The following NLGN1 variants were observed in gnomAD, a reference collection of about 807,000 sequenced individuals.
The protein encoded by NLGN1 is neuroligin-1.
NLGN1 carries 12 observed loss-of-function variants against 65.5 expected under a neutral mutation model. That is an observed-to-expected ratio of 0.18 (90% CI 0.12 to 0.30). The LOEUF is 0.30. Ranked by LOEUF, NLGN1 falls within the 10% of genes least tolerant of loss-of-function variation. The pLI is 1.00. For synonymous variants in NLGN1, 350 were observed against 359.5 expected (o/e 0.97, Z 0.30); for missense variants, 750 against 1,007.1 (o/e 0.74, Z 3.46).
intron 4 of NLGN1, among the ~76,000 whole-genome samples, chr3:173,845,823 A>G (rs908189795): frequency 6.6e-6 from 1 of 152,206 alleles, no homozygotes; most frequent in Non-Finnish European, 1.5e-5. Flanking sequence ...GATTTTTTTC[A>G]ATAATACTTA....
At chr3:174,211,018 G>A (rs1325950496) in intron 4 of NLGN1, among the ~76,000 whole-genome samples, 2 of 152,112 alleles carry the variant, frequency 1.3e-5, no homozygotes, top group Non-Finnish European at 2.9e-5. Context: ...GGCGCGTCTG[G>A]AGTCTGTCCC....
chr3:174,293,848 A>C, the NLGN1 span, among the ~76,000 whole-genome samples: 1 of 151,378 alleles, frequency 6.6e-6, no homozygotes, highest in Non-Finnish European at 1.5e-5. Flanking sequence ...AGATTTTACA[A>C]TTTTTTTTGC....
At chr3:173,526,336 T>TA (rs1156460792) in intron 2 of NLGN1, among the ~76,000 whole-genome samples, 1 of 152,164 alleles carries the variant, frequency 6.6e-6, no homozygotes, top group African/African-American at 2.4e-5. Context: ...TCTTTTTTTT[T>TA]AACTGTTGTT....
chr3:173,950,748 G>A (rs181973095), intron 4 of NLGN1, among the ~76,000 whole-genome samples: 249 of 151,390 alleles, frequency 1.6e-3, no homozygotes, highest in African/African-American at 4.4e-3. Flanking sequence ...AGCAGATGTC[G>A]CGGTGAGCCA....
intron 2 of NLGN1, among the ~76,000 whole-genome samples, chr3:173,464,024 A>C (rs1053322730): frequency 6.6e-6 from 1 of 152,076 alleles, no homozygotes; most frequent in African/African-American, 2.4e-5. Flanking sequence ...TAACATCCTC[A>C]ATCATTTCTA....
At chr3:174,010,862 A>G (rs1296094760) in intron 4 of NLGN1, among the ~76,000 whole-genome samples, 1 of 152,178 alleles carries the variant, frequency 6.6e-6, no homozygotes, top group Admixed American at 6.6e-5. Flanking sequence ...CTCAAATTTG[A>G]TGATGGGATG....
rs1045596887 is a variant in NLGN1 at position 173,441,254 on chromosome 3, C to T, written c.-321+6176C>T. 2.0e-5 allele frequency among the ~76,000 whole-genome samples: 3 copies of T among 152,122 alleles called. No individual in the cohort carries two copies. In the East Asian group the frequency reaches 5.8e-4, roughly 29 times the overall value. On this transcript the variant is annotated intron_variant, in intron 2 of 6. Transcript: ENST00000457714. ...AACTTTCTTCATATCAGCAATAACG[C>T]GTTGTTTTGCTTTCTTAACATTTTT... is the stretch of plus-strand genomic sequence containing the variant.
chr3:173,953,975 T>C (rs1321990728), intron 4 of NLGN1, among the ~76,000 whole-genome samples: 1 of 152,054 alleles, frequency 6.6e-6, no homozygotes, highest in African/African-American at 2.4e-5. Flanking sequence ...TAAAGTTAAA[T>C]GATAAAGGAA....
intron 3 of NLGN1, among the ~76,000 whole-genome samples, chr3:173,653,154 G>T (rs1759481934): frequency 2.0e-5 from 3 of 152,032 alleles, no homozygotes; most frequent in Non-Finnish European, 4.4e-5. Context: ...AGTCGTTAGG[G>T]TTTTATAGAT....
intron 4 of NLGN1, among the ~76,000 whole-genome samples, chr3:173,992,504 A>G (rs2152414272): frequency 6.6e-6 from 1 of 152,318 alleles, no homozygotes; most frequent in South Asian, 2.1e-4. Flanking sequence ...TAAATGATTC[A>G]AGAATAAACT....
At chr3:174,293,349 A>G in the NLGN1 span, among the ~76,000 whole-genome samples, 2 of 151,546 alleles carry the variant, frequency 1.3e-5, no homozygotes, top group Non-Finnish European at 3.0e-5. Context: ...ATTATATTTT[A>G]CAATAAAATA....
At chr3:174,208,167 G>A (rs529366616) in intron 4 of NLGN1, among the ~76,000 whole-genome samples, 2 of 152,138 alleles carry the variant, frequency 1.3e-5, no homozygotes, top group South Asian at 2.1e-4. Context: ...TGCTTCCTGC[G>A]TGACCACCCA....
At chr3:174,254,775 A>C (rs915688668) in intron 4 of NLGN1, among the ~76,000 whole-genome samples, 23 of 151,258 alleles carry the variant, frequency 1.5e-4, no homozygotes, top group African/African-American at 5.1e-4. Context: ...AACTGCAAGA[A>C]AAATCAATAA....
At chr3:173,964,998 G>C (rs1290832661) in intron 4 of NLGN1, among the ~76,000 whole-genome samples, 1 of 152,108 alleles carries the variant, frequency 6.6e-6, no homozygotes, top group Non-Finnish European at 1.5e-5. Flanking sequence ...GCACAATTCT[G>C]AATAGTGGTA....
At chr3:174,036,703 G>T (rs1216870392) in intron 4 of NLGN1, among the ~76,000 whole-genome samples, 4 of 151,576 alleles carry the variant, frequency 2.6e-5, no homozygotes, top group Non-Finnish European at 2.9e-5. Context: ...CATCACTCAG[G>T]TATTAAGCCT....
chr3:174,048,079 A>G (rs976493824), intron 4 of NLGN1, among the ~76,000 whole-genome samples: 3 of 152,116 alleles, frequency 2.0e-5, no homozygotes, highest in African/African-American at 7.2e-5. Flanking sequence ...TCTGTCCTCC[A>G]TACTCAGCAA....
chr3:173,477,468 C>T (rs1726422229), intron 2 of NLGN1, among the ~76,000 whole-genome samples: 1 of 151,910 alleles, frequency 6.6e-6, no homozygotes, highest in African/African-American at 2.4e-5. Flanking sequence ...CACTTGAGCC[C>T]AGAAATTCGA....
At chr3:173,548,911 G>T (rs1321089648) in intron 2 of NLGN1, among the ~76,000 whole-genome samples, 2 of 151,850 alleles carry the variant, frequency 1.3e-5, no homozygotes, top group Non-Finnish European at 2.9e-5. Context: ...AATAACTCAA[G>T]TATCTGGCCA....
chr3:174,029,912 C>T (rs566589163), intron 4 of NLGN1, among the ~76,000 whole-genome samples: 107 of 152,278 alleles, frequency 7.0e-4, no homozygotes, highest in Middle Eastern at 3.4e-3. Context: ...CCTTTCCAGC[C>T]ATGTGAACTG....
Sources: allele counts gnomAD v4.1 joint callset (sites outside exome capture counted in the v4.1 genomes callset), GRCh38; gene constraint gnomAD v4.1.1; transcripts MANE v1.5; gene names NCBI Gene and HGNC (gene_info 2026-07-23, HGNC 2026-07-21).